SUCLG1: variants seen among roughly 807,000 people sequenced by gnomAD.
SUCLG1 encodes succinate--CoA ligase [ADP/GDP-forming] subunit alpha, mitochondrial.
SUCLG1 carries 26 observed loss-of-function variants against 37.3 expected under a neutral mutation model. That is an observed-to-expected ratio of 0.70 (90% CI 0.51 to 0.97). The LOEUF (loss-of-function observed/expected upper bound fraction) is 0.97, where lower values mean the gene tolerates loss of function less well. Among genes scored for constraint, SUCLG1 ranks in the 50% least tolerant of loss-of-function variants. The pLI is 0.00. For synonymous variants in SUCLG1, 163 were observed against 155.6 expected (o/e 1.05, Z -0.36); for missense variants, 433 against 432.9 (o/e 1.00, Z 0.00).
At chr2:84,438,223 ATCTG>A (rs749492968) in intron 5 of SUCLG1, among the ~76,000 whole-genome samples, 69 of 152,324 alleles carry the variant, frequency 4.5e-4, no homozygotes, top group Non-Finnish European at 8.5e-4. Context: ...ATAAAGGGTG[ATCTG>A]TCTGTATTAT....
At chr2:84,426,575 G>C (rs186708119) in intron 7 of SUCLG1, 1 of 152,088 alleles carries the variant, frequency 6.6e-6, no homozygotes, top group Non-Finnish European at 1.5e-5. Flanking sequence ...GCTGAGGCAG[G>C]AGAATCGCTT....
At chr2:84,446,907 C>T (rs998007073) in intron 2 of SUCLG1, among the ~76,000 whole-genome samples, 4 of 152,122 alleles carry the variant, frequency 2.6e-5, no homozygotes, top group African/African-American at 4.8e-5. Flanking sequence ...CTGCCCTAGA[C>T]TACACTGCCA....
At chr2:84,452,310 A>G (rs1251842197) in intron 1 of SUCLG1, among the ~76,000 whole-genome samples, 1 of 152,202 alleles carries the variant, frequency 6.6e-6, no homozygotes, top group African/African-American at 2.4e-5. Context: ...ACAGTAAGTG[A>G]CTTCCTAAAG....
chr2:84,434,500 G>C (rs1573366016), intron 5 of SUCLG1, among the ~76,000 whole-genome samples: 1 of 152,170 alleles, frequency 6.6e-6, no homozygotes, highest in East Asian at 1.9e-4. Flanking sequence ...GTGACAGTTA[G>C]ATGTCTTCTC....
Position 84,443,284 on chromosome 2 carries a change from C to T in SUCLG1, c.318G>A (p.Glu106=). 2.5e-6 allele frequency: 4 copies of T among 1,613,494 alleles called. No homozygotes were observed. Among genetic ancestry groups the T allele is most frequent in the Non-Finnish European group, 3.4e-6 (4 of 1,179,400 alleles). Residue 106 remains glutamate (E), a splice_region_variant and synonymous_variant, in exon 3 of 9, where the codon GAG becomes GAA. Transcript: ENST00000393868. ...GCCAAACTCAGGTACCACTAATTAC[C>T]TCCTTCACAGTATTAAAGACAGGTA... ...LGLPVFNTVK[E]AKEQTGATAS...
intron 5 of SUCLG1, chr2:84,433,872 TGG>T (rs1271186283): frequency 2.0e-5 from 4 of 204,280 alleles, no homozygotes; most frequent in Non-Finnish European, 4.0e-5. Context: ...TGCCCAGTGT[TGG>T]AGGTGGGGCC....
In SUCLG1 at chr2:84,441,294, G is replaced by T; in HGVS notation, c.484C>A (p.Gln162Lys). The change falls in exon 4 of 9, where the codon CAG becomes AAG. Residue 162 changes from glutamine to lysine, a missense_variant. Transcript: ENST00000393868. ...GGCCCAATTAGCCTTGTCTTTTCCT[G>T]GCGCAGCAGTTTGTGCTTGACTCGT... Reference protein sequence around the residue: ...MVRVKHKLLRQEKTRLIGPNC... With the variant: ...MVRVKHKLLRKEKTRLIGPNC... The T allele has an allele frequency of 6.2e-7, 1 of 1,614,034 alleles. No individual in the cohort carries two copies. Among genetic ancestry groups the T allele is most frequent in the Non-Finnish European group, 8.5e-7 (1 of 1,180,028 alleles).
Position 84,441,118 on chromosome 2 carries a change from T to G in SUCLG1, c.532-14A>C. On this transcript the variant is annotated splice_polypyrimidine_tract_variant and intron_variant, in intron 4 of 8. Transcript: ENST00000393868. ...ACATTCTCCAGGCTGAAAGTAATCA[T>G]AGTTTTCAGAAATGTTAAAAAAAAA... is the stretch of plus-strand genomic sequence containing the variant. 2 of 1,613,958 alleles carry G rather than the reference T, an allele frequency of 1.2e-6. No individual in the cohort carries two copies. Among genetic ancestry groups the G allele is most frequent in the East Asian group, 4.5e-5 (2 of 44,872 alleles).
chr2:84,454,055 C>G (rs1248714541), intron 1 of SUCLG1, among the ~76,000 whole-genome samples: 1 of 152,184 alleles, frequency 6.6e-6, no homozygotes, highest in Non-Finnish European at 1.5e-5. Flanking sequence ...TGAAATTACT[C>G]CTTAAATTGG....
At position 84,441,263 on chromosome 2, in the gene SUCLG1, C is replaced by T. The variant is rs1165952537; in HGVS notation, c.515G>A (p.Cys172Tyr). The T allele has an allele frequency of 6.2e-7, 1 of 1,614,118 alleles. No individual in the cohort carries two copies. The highest frequency in any genetic ancestry group is 1.1e-5 in the South Asian group (1 of 91,072). ...QEKTRLIGPN[C>Y]PGVINPGECK... Reference sequence around the variant, plus strand: ...TGCACTCACATTGATGACTCCAGGGCAGTTGGGCCCAATTAGCCTTGTCTT... The same window carrying T: ...TGCACTCACATTGATGACTCCAGGGTAGTTGGGCCCAATTAGCCTTGTCTT... The change falls in exon 4 of 9, where the codon TGC (cysteine) becomes TAC (tyrosine). Residue 172 changes from cysteine to tyrosine, a missense_variant. Physicochemically the swap from Cys to Tyr is radical, Grantham distance 194. Coordinates refer to ENST00000393868, the MANE Select transcript of SUCLG1 (RefSeq NM_003849.4).
chr2:84,437,131 T>A (rs568835748), intron 5 of SUCLG1, among the ~76,000 whole-genome samples: 11 of 152,338 alleles, frequency 7.2e-5, no homozygotes, highest in Admixed American at 2.6e-4. Flanking sequence ...GTCCCTCCCC[T>A]CTATGGGACA....
chr2:84,447,515 A>G (rs571287667), intron 2 of SUCLG1, among the ~76,000 whole-genome samples: 26 of 152,174 alleles, frequency 1.7e-4, no homozygotes, highest in Admixed American at 3.9e-4. Flanking sequence ...TATTTGGCAA[A>G]CAGAAAAAAT....
intron 6 of SUCLG1, chr2:84,432,746 T>A (rs1672629765): frequency 6.6e-6 from 1 of 152,346 alleles, no homozygotes; most frequent in South Asian, 2.1e-4. Context: ...GAAAGAATAT[T>A]TATTAATATG....
At chr2:84,433,299 A>G (rs1434250658) in intron 6 of SUCLG1, 53 bp downstream of exon 6, 1 of 1,372,128 alleles carries the variant, frequency 7.3e-7, no homozygotes, top group Non-Finnish European at 1.0e-6. Flanking sequence ...TATTATACTC[A>G]TCCAATGAAG....
chr2:84,448,069 G>A (rs1672876163), intron 2 of SUCLG1, among the ~76,000 whole-genome samples: 1 of 148,444 alleles, frequency 6.7e-6, no homozygotes, highest in African/African-American at 2.5e-5. Flanking sequence ...TTTTATGGGT[G>A]TTTCATTTTT....
chr2:84,428,274 A>C (rs1418865623), intron 7 of SUCLG1, among the ~76,000 whole-genome samples: 2 of 135,236 alleles, frequency 1.5e-5, no homozygotes, highest in Admixed American at 1.5e-4. Flanking sequence ...CTCATCAGTG[A>C]CCCTGTTGTG....
intron 1 of SUCLG1, among the ~76,000 whole-genome samples, chr2:84,452,584 T>C (rs1672956836): frequency 6.6e-6 from 1 of 152,230 alleles, no homozygotes; most frequent in Non-Finnish European, 1.5e-5. Flanking sequence ...CATGTGGGTA[T>C]ACAATAAACA....
At chr2:84,437,048 C>T (rs908502192) in intron 5 of SUCLG1, among the ~76,000 whole-genome samples, 4 of 152,332 alleles carry the variant, frequency 2.6e-5, no homozygotes, top group South Asian at 2.1e-4. Flanking sequence ...TTCCACCCCA[C>T]GTATGTCTCA....
intron 1 of SUCLG1, among the ~76,000 whole-genome samples, chr2:84,456,703 GC>G (rs1489575582): frequency 4.0e-5 from 6 of 151,846 alleles, no homozygotes; most frequent in Admixed American, 1.3e-4. Flanking sequence ...TCACTCTGTT[GC>G]CCAGGCTGGA....
Sources: allele counts gnomAD v4.1 joint callset (sites outside exome capture counted in the v4.1 genomes callset), GRCh38; gene constraint gnomAD v4.1.1; transcripts MANE v1.5; gene names NCBI Gene and HGNC (gene_info 2026-07-23, HGNC 2026-07-21).